BRF1: variants seen among roughly 807,000 people sequenced by gnomAD.
BRF1 encodes transcription factor IIIB 90 kDa subunit.
BRF1 carries 59 observed loss-of-function variants against 81.7 expected under a neutral mutation model. The ratio of observed to expected loss-of-function variants is 0.72; its 90% CI spans 0.59 to 0.90. The LOEUF (loss-of-function observed/expected upper bound fraction) is 0.90. Ranked by LOEUF, BRF1 falls within the 40% of genes least tolerant of loss-of-function variation. The pLI is 0.00. For synonymous variants in BRF1, 491 were observed against 395.6 expected (o/e 1.24, Z -2.86); for missense variants, 1,050 against 936.3 (o/e 1.12, Z -1.58).
intron 4 of BRF1, chr14:105,256,155 CA>C: frequency 6.8e-7 from 1 of 1,471,098 alleles, no homozygotes; most frequent in Non-Finnish European, 9.0e-7. Flanking sequence ...AATGCAAGGT[CA>C]AAAGAAATAA....
chr14:105,309,369 G>A lies in BRF1; in HGVS notation c.-162+5953C>T, dbSNP rs932041886. 1.3e-5 allele frequency among the ~76,000 whole-genome samples: 2 copies of A among 152,162 alleles called. No homozygotes were observed. Among genetic ancestry groups the A allele is most frequent in the African/African-American group, 4.8e-5 (2 of 41,412 alleles). On this transcript the variant is annotated intron_variant, in intron 1 of 17. Transcript: ENST00000327359. This position sits in a 1 kb window ranked among gnomAD's most constrained non-coding sequence, Gnocchi z 4.0. ...ATCACATATCTGAGAATTTCCCCAT[G>A]TTGCTAAAACTGAGGCAGCGTTCCG... is the stretch of plus-strand genomic sequence containing the variant.
At chr14:105,219,640 C>G (rs775324628) in intron 12 of BRF1, 14 of 398,412 alleles carry the variant, frequency 3.5e-5, no homozygotes, top group Middle Eastern at 6.6e-4. Flanking sequence ...CGACTTCCTG[C>G]CTGACAGAGG....
chr14:105,229,715 C>A (rs1420027078), intron 6 of BRF1, among the ~76,000 whole-genome samples: 4 of 105,622 alleles, frequency 3.8e-5, no homozygotes, highest in African/African-American at 1.5e-4. Flanking sequence ...AGAGGCCACA[C>A]CACTGTCCGC....
chr14:105,263,924 C>CAA (rs58615148), intron 3 of BRF1, among the ~76,000 whole-genome samples: 9 of 78,588 alleles, frequency 1.1e-4, no homozygotes, highest in Admixed American at 2.8e-4. Context: ...GACTCTGTCT[C>CAA]AAAAAAAAAA....
intron 2 of BRF1, among the ~76,000 whole-genome samples, chr14:105,278,689 G>A (rs1158947541): frequency 6.6e-6 from 1 of 151,732 alleles, no homozygotes; most frequent in Non-Finnish European, 1.5e-5. Context: ...GAGGATCACT[G>A]GAGCCCAGGA....
At chr14:105,228,785 G>A (rs587622675) in intron 7 of BRF1, 35 bp downstream of exon 7, 1 of 1,609,904 alleles carries the variant, frequency 6.2e-7, no homozygotes, top group Non-Finnish European at 8.5e-7. Flanking sequence ...TGAAGCCTCT[G>A]TGTGGTCCCC....
upstream of BRF1, among the ~76,000 whole-genome samples, chr14:105,303,606 T>C (rs1425764753): frequency 6.6e-6 from 1 of 152,200 alleles, no homozygotes; most frequent in Non-Finnish European, 1.5e-5. Context: ...CCTTTATAAA[T>C]AGGCATTTTA....
chr14:105,229,307 C>G (rs181069510), intron 6 of BRF1, among the ~76,000 whole-genome samples: 2 of 152,142 alleles, frequency 1.3e-5, no homozygotes, highest in African/African-American at 4.8e-5. Flanking sequence ...GCAGCTGACA[C>G]AGGTTCACCA....
chr14:105,293,705 AC>A, intron 1 of BRF1, among the ~76,000 whole-genome samples: 1 of 151,818 alleles, frequency 6.6e-6, no homozygotes, highest in Non-Finnish European at 1.5e-5. Flanking sequence ...GTCCTCACCC[AC>A]CCTTCTCTCT....
Position 105,210,357 on chromosome 14 carries a change from C to CGAAA in BRF1, c.*193_*194insTTTC. On this transcript the variant is annotated 3_prime_UTR_variant, in exon 18 of 18. Coordinates refer to ENST00000547530, the MANE Select transcript of BRF1 (RefSeq NM_001519.4). The surrounding 1 kb of genome is among the most constrained non-coding windows in gnomAD (Gnocchi z 4.7). The stretch of plus-strand genomic sequence containing the variant: ...GATCACACACATGCAGACGCTTGGT[C>CGAAA]CGGTTTCCCTTGCTGAATAGAAACA... The CGAAA allele has an allele frequency of 1.6e-6, 1 of 632,924 alleles. No individual in the cohort carries two copies. Among genetic ancestry groups the CGAAA allele is most frequent in the South Asian group, 1.9e-5 (1 of 52,658 alleles). 39.2% of individuals were successfully genotyped at this position (632,924 alleles called of 1,614,324 possible).
At chr14:105,313,937 T>C (rs2058430479) in intron 1 of BRF1, among the ~76,000 whole-genome samples, 1 of 152,244 alleles carries the variant, frequency 6.6e-6, no homozygotes, top group Non-Finnish European at 1.5e-5. Flanking sequence ...CCAAGTTCAC[T>C]GTTAACCCCA....
Position 105,226,168 on chromosome 14 carries a change from T to C in BRF1, c.956-7A>G. 1 of 1,613,926 alleles carries C rather than the reference T, an allele frequency of 6.2e-7. No homozygotes were observed. Among genetic ancestry groups the C allele is most frequent in the South Asian group, 1.1e-5 (1 of 91,086 alleles). On this transcript the variant is annotated splice_polypyrimidine_tract_variant and splice_region_variant and intron_variant, in intron 9 of 17. Coordinates refer to ENST00000547530, the MANE Select transcript of BRF1 (RefSeq NM_001519.4). ...TGGTAACTGGATATTTCACCTGAAG[T>C]CATAAGTTAAAAGCAAAAAGTCAGC...
intron 5 of BRF1, chr14:105,249,626 C>T (rs749429897): frequency 4.4e-6 from 7 of 1,597,964 alleles, no homozygotes; most frequent in Admixed American, 3.4e-5. Flanking sequence ...TGACGCGGGC[C>T]CTGCCTCGCC....
At chr14:105,281,529 C>T (rs1227581427) in intron 2 of BRF1, among the ~76,000 whole-genome samples, 17 of 106,566 alleles carry the variant, frequency 1.6e-4, no homozygotes, top group Middle Eastern at 7.7e-3. Context: ...GGTGTGTGGA[C>T]AGAGCCTGCG....
chr14:105,288,518 G>A (rs1008135209), intron 1 of BRF1, among the ~76,000 whole-genome samples: 2 of 151,898 alleles, frequency 1.3e-5, no homozygotes, highest in Non-Finnish European at 2.9e-5. Context: ...GGCCGGGCAT[G>A]GTGGCTCACA....
chr14:105,289,181 T>C (rs866478554), intron 1 of BRF1, among the ~76,000 whole-genome samples: 29 of 151,198 alleles, frequency 1.9e-4, no homozygotes, highest in South Asian at 1.7e-3. Context: ...ATCCCATCTC[T>C]ACAAAAAAAA....
In BRF1 at chr14:105,263,848, C is replaced by T. The variant is rs767461696; in HGVS notation, c.440-7299G>A. Among the ~76,000 whole-genome samples the T allele has an allele frequency of 3.7e-4, 56 of 151,540 alleles. No individual in the cohort carries two copies. The Middle Eastern group carries it at 0.01, about 28-fold the overall frequency. On this transcript the variant is annotated intron_variant, in intron 3 of 17. Coordinates refer to ENST00000547530, the MANE Select transcript of BRF1 (RefSeq NM_001519.4). Reference sequence around the variant, plus strand: ...ACTGAGGCAGGAGAATGGCATGAACCTGGGAGGCGGAGCTTGCAGTGAGCA... The same window carrying T: ...ACTGAGGCAGGAGAATGGCATGAACTTGGGAGGCGGAGCTTGCAGTGAGCA...
intron 17 of BRF1, 113 bp downstream of exon 17, chr14:105,211,009 G>A (rs751230893): frequency 2.1e-5 from 32 of 1,493,484 alleles, no homozygotes; most frequent in Non-Finnish European, 2.5e-5. Context: ...TCTTTCCAGG[G>A]AGAAACAGAA....
At chr14:105,264,371 TAAA>T (rs1461506926) in intron 3 of BRF1, among the ~76,000 whole-genome samples, 1 of 150,398 alleles carries the variant, frequency 6.6e-6, no homozygotes, top group Non-Finnish European at 1.5e-5. Context: ...CTCATCTCTA[TAAA>T]AAATTGATGG....
Sources: allele counts gnomAD v4.1 joint callset (sites outside exome capture counted in the v4.1 genomes callset), GRCh38; gene constraint gnomAD v4.1.1; non-coding constraint Gnocchi (gnomAD v3.1); transcripts MANE v1.5; gene names NCBI Gene and HGNC (gene_info 2026-07-23, HGNC 2026-07-21).